Variants in OSBP2 observed in about 807,000 individuals in gnomAD.
OSBP2 encodes the protein oxysterol binding protein 2.
In OSBP2, 66 loss-of-function variants were observed where a neutral mutation model predicts 96.0. The ratio of observed to expected loss-of-function variants is 0.69; its 90% CI spans 0.56 to 0.84. The LOEUF (loss-of-function observed/expected upper bound fraction) is 0.84. OSBP2 is among the 40% of genes least tolerant of loss of function. OSBP2 has a pLI of 0.00. For synonymous variants in OSBP2, 525 were observed against 520.9 expected, an observed-to-expected ratio of 1.01 and a Z score of -0.11; for missense variants, 1,038 against 1,222.7, an observed-to-expected ratio of 0.85 and a Z score of 2.25.
intron 2 of OSBP2, chr22:30,770,754 C>T (rs539307994): frequency 6.5e-6 from 1 of 152,804 alleles, no homozygotes; most frequent in Non-Finnish European, 1.5e-5. Context: ...TGTCCTTTCC[C>T]TCTGTAGCCT....
chr22:30,860,596 C>T (rs2039190952), intron 2 of OSBP2, among the ~76,000 whole-genome samples: 1 of 152,188 alleles, frequency 6.6e-6, no homozygotes, highest in Admixed American at 6.5e-5. Context: ...AGGCTGGGCT[C>T]AAGAACAGCC....
chr22:30,883,945 C>T (rs1001244328), intron 3 of OSBP2, among the ~76,000 whole-genome samples: 3 of 152,102 alleles, frequency 2.0e-5, no homozygotes, highest in Non-Finnish European at 4.4e-5. Flanking sequence ...TGAAGCAGGA[C>T]GGCCGCTGTA....
At chr22:30,892,993 GC>G in intron 8 of OSBP2, 128 bp from the exon 9 acceptor site, 1 of 1,252,842 alleles carries the variant, frequency 8.0e-7, no homozygotes, top group South Asian at 1.4e-5. Flanking sequence ...CTGAGGAACA[GC>G]CAGGACTGCT....
intron 1 of OSBP2, among the ~76,000 whole-genome samples, chr22:30,719,971 A>C (rs937854067): frequency 6.6e-6 from 1 of 152,170 alleles, no homozygotes; most frequent in Non-Finnish European, 1.5e-5. Context: ...ATCACCTCTC[A>C]GGTAACAGAG....
At chr22:30,797,089 T>A (rs796498967) in intron 2 of OSBP2, among the ~76,000 whole-genome samples, 5 of 152,300 alleles carry the variant, frequency 3.3e-5, no homozygotes, top group African/African-American at 1.2e-4. Context: ...ATAAGTGGAA[T>A]CATATGGTAT....
At chr22:30,875,786 C>G (rs1002384553) in intron 3 of OSBP2, among the ~76,000 whole-genome samples, 1 of 152,184 alleles carries the variant, frequency 6.6e-6, no homozygotes, top group East Asian at 1.9e-4. Context: ...CAGGGCAACC[C>G]CTCTCTCATC....
intron 2 of OSBP2, among the ~76,000 whole-genome samples, chr22:30,810,965 T>C (rs1319524656): frequency 6.6e-6 from 1 of 152,236 alleles, no homozygotes; most frequent in African/African-American, 2.4e-5. Context: ...TTGTAATTTG[T>C]TGAGACATTA....
intron 2 of OSBP2, among the ~76,000 whole-genome samples, chr22:30,752,288 C>CTTTTTTTTTTTTTTTTTTTTTT (rs10691256): frequency 2.1e-5 from 1 of 48,654 alleles, no homozygotes; most frequent in Non-Finnish European, 3.7e-5. Flanking sequence ...CTTTGCTTTG[C>CTTTTTTTTTTTTTTTTTTTTTT]TTTTTTTTTT....
intron 2 of OSBP2, among the ~76,000 whole-genome samples, chr22:30,753,457 CA>C (rs1418798677): frequency 6.6e-6 from 1 of 152,118 alleles, no homozygotes; most frequent in Non-Finnish European, 1.5e-5. Context: ...TGGGAGTCAC[CA>C]GGGGAGGTTC....
chr22:30,772,793 A>ATTT (rs136323), intron 2 of OSBP2, among the ~76,000 whole-genome samples: 1 of 139,362 alleles, frequency 7.2e-6, no homozygotes, highest in Non-Finnish European at 1.6e-5. Flanking sequence ...TGTTAAACGC[A>ATTT]TTTTTTTTTT....
intron 2 of OSBP2, among the ~76,000 whole-genome samples, chr22:30,760,702 G>A (rs1214896217): frequency 6.6e-6 from 1 of 152,068 alleles, no homozygotes; most frequent in African/African-American, 2.4e-5. Context: ...TGTAGTCTCA[G>A]CTACTTAGGA....
chr22:30,745,239 T>C (rs1272769431), intron 2 of OSBP2, among the ~76,000 whole-genome samples: 2 of 151,776 alleles, frequency 1.3e-5, no homozygotes, highest in Non-Finnish European at 1.5e-5. Context: ...AAAAAAATTA[T>C]AGCGCTAAAA....
chr22:30,816,117 T>C (rs1462177447), intron 2 of OSBP2, among the ~76,000 whole-genome samples: 2 of 152,000 alleles, frequency 1.3e-5, no homozygotes, highest in East Asian at 3.8e-4. Flanking sequence ...TGTAAATAAT[T>C]AAATAATTAA....
At chr22:30,791,645 A>G (rs1239644316) in intron 2 of OSBP2, among the ~76,000 whole-genome samples, 1 of 152,134 alleles carries the variant, frequency 6.6e-6, no homozygotes, top group Non-Finnish European at 1.5e-5. Context: ...GGCATTCTAA[A>G]TAAAATCAGT....
At chr22:30,762,946 A>G (rs1394791384) in intron 2 of OSBP2, among the ~76,000 whole-genome samples, 1 of 152,074 alleles carries the variant, frequency 6.6e-6, no homozygotes, top group East Asian at 1.9e-4. Flanking sequence ...GGTCCCTTCA[A>G]TCAAAGATTT....
chr22:30,719,844 C>G (rs2145701628), intron 1 of OSBP2, among the ~76,000 whole-genome samples: 1 of 151,862 alleles, frequency 6.6e-6, no homozygotes, highest in Non-Finnish European at 1.5e-5. Context: ...AACATAGAAC[C>G]CATCTCTCAA....
chr22:30,761,068 G>A (rs2090199444), intron 2 of OSBP2, among the ~76,000 whole-genome samples: 1 of 152,124 alleles, frequency 6.6e-6, no homozygotes, highest in Non-Finnish European at 1.5e-5. Flanking sequence ...TAAAGTCAAG[G>A]ATGTCCATGC....
intron 2 of OSBP2, among the ~76,000 whole-genome samples, chr22:30,812,679 A>G (rs942435629): frequency 6.6e-6 from 1 of 152,234 alleles, no homozygotes; most frequent in Non-Finnish European, 1.5e-5. Flanking sequence ...GATGCACCTG[A>G]TAAGTATCAA....
At chr22:30,779,671 C>T (rs551602036) in intron 2 of OSBP2, among the ~76,000 whole-genome samples, 19 of 152,286 alleles carry the variant, frequency 1.2e-4, no homozygotes, top group African/African-American at 4.6e-4. Flanking sequence ...CAAGAACCCA[C>T]ATTTGCCCTT....
Sources: gnomAD v4.1 joint callset for allele counts (sites outside exome capture counted in the v4.1 genomes callset) on GRCh38, gnomAD v4.1.1 for gene constraint, MANE v1.5 for transcripts, NCBI Gene and HGNC (gene_info 2026-07-23, HGNC 2026-07-21) for gene names.